The following UGGT1 variants were observed in gnomAD, a reference collection of about 807,000 sequenced individuals.
The protein encoded by UGGT1 is UDP-glucose:glycoprotein glucosyltransferase 1.
Under a neutral mutation model 203.9 loss-of-function variants are expected in UGGT1, and 107 were observed. The observed-to-expected ratio is 0.52, with a 90% CI of 0.45 to 0.62. The LOEUF (loss-of-function observed/expected upper bound fraction) is 0.62. Among genes scored for constraint, UGGT1 ranks in the 20% least tolerant of loss-of-function variants. The pLI, the probability that UGGT1 is intolerant of heterozygous loss-of-function variation, is 0.00. For synonymous variants in UGGT1, 628 were observed against 653.5 expected, an observed-to-expected ratio of 0.96 and a Z score of 0.59; for missense variants, 1,673 against 1,867.2, an observed-to-expected ratio of 0.90 and a Z score of 1.92.
At chr2:128,099,144 A>T (rs371452401) in intron 2 of UGGT1, among the ~76,000 whole-genome samples, 80 of 152,028 alleles carry the variant, frequency 5.3e-4, no homozygotes, top group Middle Eastern at 3.5e-3. Context: ...ATATATATAT[A>T]TTTTTTTGAG....
chr2:128,161,349 C>T (rs1690521494), intron 25 of UGGT1, 81 bp downstream of exon 25: 6 of 1,491,836 alleles, frequency 4.0e-6, no homozygotes, highest in East Asian at 2.3e-5. Flanking sequence ...TATGTTGTTA[C>T]TCATACTACA....
intron 11 of UGGT1, among the ~76,000 whole-genome samples, chr2:128,123,701 T>A (rs900826217): frequency 6.6e-6 from 1 of 152,188 alleles, no homozygotes; most frequent in African/African-American, 2.4e-5. Flanking sequence ...ATCTTCTCAA[T>A]ATTGGATGTT....
intron 17 of UGGT1, 173 bp from the exon 18 acceptor site, chr2:128,145,630 A>G (rs1465983574): frequency 1.1e-5 from 7 of 649,702 alleles, no homozygotes; most frequent in Non-Finnish European, 1.7e-5. Context: ...ATAGTAGGAT[A>G]TTAACTTTGA....
At chr2:128,127,205 T>C (rs1057001575) in intron 11 of UGGT1, among the ~76,000 whole-genome samples, 156 bp from the exon 12 acceptor site, 1 of 152,226 alleles carries the variant, frequency 6.6e-6, no homozygotes, top group African/African-American at 2.4e-5. Context: ...TATTATCCCC[T>C]GTCTTACTTG....
intron 4 of UGGT1, among the ~76,000 whole-genome samples, chr2:128,109,348 C>T (rs1573506481): frequency 6.6e-6 from 1 of 152,128 alleles, no homozygotes; most frequent in Admixed American, 6.6e-5. Flanking sequence ...GGACTACAGG[C>T]GTATGCCACT....
rs56298925 is a variant in UGGT1 at position 128,108,589 on chromosome 2, C to T, written c.408+521C>T. ...CTTAAGAAGAGACAGTCAAAGATGT[C>T]TTCACCAACTTGATATTTGATATAA... is the stretch of plus-strand genomic sequence containing the variant. On this transcript the variant is annotated intron_variant, in intron 4 of 40. Coordinates refer to ENST00000259253, the MANE Select transcript of UGGT1 (RefSeq NM_020120.4). Among the ~76,000 whole-genome samples, 374 of 152,220 alleles carry T rather than the reference C, an allele frequency of 2.5e-3. 1 individual carries two copies. The highest frequency in any genetic ancestry group is 0.014 in the Middle Eastern group (4 of 294).
intron 11 of UGGT1, among the ~76,000 whole-genome samples, chr2:128,126,481 A>G (rs964264176): frequency 7.9e-5 from 12 of 152,034 alleles, no homozygotes; most frequent in Admixed American, 5.2e-4. Flanking sequence ...ACCTCAGGTA[A>G]TCCACCCGCC....
rs753540379 is a variant in UGGT1, at chr2:128,171,217, C to T, written c.3037C>T (p.Leu1013=). 52 of 1,611,108 alleles carry T rather than the reference C, an allele frequency of 3.2e-5. No individual in the cohort carries two copies. The highest frequency in any genetic ancestry group is 1.2e-4 in the Admixed American group (7 of 59,330). Residue 1013 remains leucine, a synonymous_variant, in exon 28 of 41, where the codon CTG becomes TTG. Coordinates refer to ENST00000259253, the MANE Select transcript of UGGT1 (RefSeq NM_020120.4). ...GTTTTCCTTCTAGGTTTTGGCTCAG[C>T]TGATAAACATGAATCTGAGAGTATT... ...LAPLLLVLAQ[L]INMNLRVFMN... is the part of the protein sequence containing the mutation.
chr2:128,146,225 C>T (rs954597435), intron 18 of UGGT1, among the ~76,000 whole-genome samples: 4 of 151,942 alleles, frequency 2.6e-5, no homozygotes, highest in African/African-American at 9.7e-5. Flanking sequence ...GTGGAAGGAT[C>T]GCTTGAGCCC....
intron 15 of UGGT1, among the ~76,000 whole-genome samples, chr2:128,138,398 G>T (rs572346189): frequency 1.5e-4 from 23 of 151,986 alleles, no homozygotes; most frequent in African/African-American, 4.8e-4. Context: ...GCGTATAATC[G>T]CAGCTACTTG....
intron 13 of UGGT1, among the ~76,000 whole-genome samples, chr2:128,130,817 A>G (rs944802479): frequency 5.9e-5 from 9 of 151,934 alleles, no homozygotes; most frequent in African/African-American, 2.2e-4. Context: ...TTTAGAGATG[A>G]GTCTCACTAT....
Position 128,091,304 on chromosome 2 carries a change from C to A in UGGT1, c.-54C>A. 1 of 1,488,138 alleles carries A rather than the reference C, an allele frequency of 6.7e-7. No homozygotes were observed. The highest frequency in any genetic ancestry group is 9.0e-7 in the Non-Finnish European group (1 of 1,115,294). The allele number at this position is 1,488,138 out of a possible 1,614,324, so 92.2% of individuals were successfully genotyped here. On this transcript the variant is annotated 5_prime_UTR_variant, in exon 1 of 41. Transcript: ENST00000259253. ...CTGCACTGCCGCTGCCGCCTCGCCCCGCCCTGCCCTGGCGTTGTCTCTGGC... is the reference window on the plus strand; with the variant it reads ...CTGCACTGCCGCTGCCGCCTCGCCCAGCCCTGCCCTGGCGTTGTCTCTGGC...
intron 1 of UGGT1, 43 bp from the exon 2 acceptor site, chr2:128,097,386 A>AC: frequency 6.3e-7 from 1 of 1,584,326 alleles, no homozygotes; most frequent in Middle Eastern, 1.7e-4. Context: ...AAAAAAAAAA[A>AC]AATTTCCTTG....
At position 128,189,979 on chromosome 2, in the gene UGGT1, CTGTAAAGAGCATTCTTCTAGTCAGAGGG is replaced by C. The variant is rs1398080035; in HGVS notation, c.*240_*267del. 2.3e-6 allele frequency: 1 copy of C among 443,272 alleles called. No homozygotes were observed. Among genetic ancestry groups the C allele is most frequent in the East Asian group, 3.3e-5 (1 of 30,164 alleles). 27.5% of individuals were successfully genotyped at this position (443,272 alleles called of 1,614,324 possible). On this transcript the variant is annotated 3_prime_UTR_variant, in exon 41 of 41. Coordinates refer to ENST00000259253, the MANE Select transcript of UGGT1 (RefSeq NM_020120.4). ...GACCAAGTGGCTGATCCTTTGGACT[CTGTAAAGAGCATTCTTCTAGTCAGAGGG>C]TGGAATGGCAGCAGCAACTGGAAGA... is the stretch of plus-strand genomic sequence containing the variant.
In UGGT1 at chr2:128,091,422, A is replaced by T; in HGVS notation, c.58+7A>T. 6.3e-7 allele frequency: 1 copy of T among 1,579,712 alleles called. No individual in the cohort carries two copies. The highest frequency in any genetic ancestry group is 8.6e-7 in the Non-Finnish European group (1 of 1,162,736). On this transcript the variant is annotated splice_region_variant and intron_variant, in intron 1 of 40. Coordinates refer to ENST00000259253, the MANE Select transcript of UGGT1 (RefSeq NM_020120.4). Reference sequence around the variant, plus strand: ...GGTGCGCTGCCGGTGACAGGTACCCAGGGGTGGCGTGAGGAGGCCTCGTGG... The same window carrying T: ...GGTGCGCTGCCGGTGACAGGTACCCTGGGGTGGCGTGAGGAGGCCTCGTGG...
intron 16 of UGGT1, among the ~76,000 whole-genome samples, chr2:128,142,303 C>T (rs1689471408): frequency 6.6e-6 from 1 of 151,110 alleles, no homozygotes; most frequent in Non-Finnish European, 1.5e-5. Flanking sequence ...GAGCTGATTC[C>T]GGCCAGGTGT....
At chr2:128,174,057 T>A in intron 30 of UGGT1, 118 bp downstream of exon 30, 1 of 1,246,572 alleles carries the variant, frequency 8.0e-7, no homozygotes, top group Non-Finnish European at 1.1e-6. Context: ...CATTATGGGC[T>A]GAATTTGGTC....
At chr2:128,153,465 C>T (rs1690078111) in intron 19 of UGGT1, among the ~76,000 whole-genome samples, 1 of 152,154 alleles carries the variant, frequency 6.6e-6, no homozygotes, top group Admixed American at 6.5e-5. Context: ...TCATTATCAT[C>T]ACCCCCCAAA....
chr2:128,128,417 T>G (rs1163256975), intron 12 of UGGT1, among the ~76,000 whole-genome samples: 1 of 151,838 alleles, frequency 6.6e-6, no homozygotes, highest in Non-Finnish European at 1.5e-5. Flanking sequence ...GTTCAAGAGA[T>G]TCTCCTGCCT....
Sources: allele counts gnomAD v4.1 joint callset (sites outside exome capture counted in the v4.1 genomes callset), GRCh38; gene constraint gnomAD v4.1.1; transcripts MANE v1.5; gene names NCBI Gene and HGNC (gene_info 2026-07-23, HGNC 2026-07-21).